Variants in L1CAM observed in about 807,000 individuals in gnomAD.
The protein encoded by L1CAM is L1 cell adhesion molecule, also known as neural cell adhesion molecule L1.
A neutral mutation model predicts 93.0 loss-of-function variants in L1CAM; 8 were observed. The observed-to-expected ratio is 0.09, with a 90% CI of 0.05 to 0.16. The LOEUF is 0.16. L1CAM is among the 10% of genes least tolerant of loss of function. The pLI is 1.00. For missense variants in L1CAM, 777 were observed against 1,073.4 expected, an observed-to-expected ratio of 0.72 and a Z score of 3.86; for synonymous variants, 453 against 453.0, an observed-to-expected ratio of 1.00 and a Z score of 0.00.
rs200490293 is a variant in L1CAM, at chrX:153,868,294, G to T, written c.1703+8C>A. ...CACTCTGCCCCCTTTCACCGTCACTGTCCTCACTTGTCACTGTCCCCAAGC... is the reference window on the plus strand; with the variant it reads ...CACTCTGCCCCCTTTCACCGTCACTTTCCTCACTTGTCACTGTCCCCAAGC... On this transcript the variant is annotated splice_region_variant and intron_variant, in intron 14 of 28. Coordinates refer to ENST00000370060, the MANE Select transcript of L1CAM (RefSeq NM_001278116.2). 4.1e-6 allele frequency: 5 copies of T among 1,211,274 alleles called. No homozygotes were observed. The highest frequency in any genetic ancestry group is 2.3e-4 in the Middle Eastern group (1 of 4,354).
intron 1 of L1CAM, chrX:153,883,892 T>A (rs1156858032): frequency 2.9e-6 from 1 of 341,186 alleles, no homozygotes; most frequent in East Asian, 9.7e-5. Context: ...AACTTGGTGA[T>A]CAAGGTAGGG....
chrX:153,883,633 C>T, intron 1 of L1CAM: 1 of 289,168 alleles, frequency 3.5e-6, no homozygotes, highest in Non-Finnish European at 7.0e-6. Context: ...GGCATCCAGA[C>T]CCCCCGCCTC....
In L1CAM at chrX:153,862,810, G is replaced by C. The variant is rs2064675003; in HGVS notation, c.3627C>G (p.Ala1209=). The C allele has an allele frequency of 8.3e-7, 1 of 1,211,944 alleles. No homozygotes were observed. Among genetic ancestry groups the C allele is most frequent in the Non-Finnish European group, 1.1e-6 (1 of 895,406 alleles). The change falls in exon 29 of 29, where the codon GCC becomes GCG. Residue 1209 remains alanine, a synonymous_variant. Coordinates refer to ENST00000370060, the MANE Select transcript of L1CAM (RefSeq NM_001278116.2). ...GAACATCCACGCTGCCCCCATAATC[G>C]GCCAGGCTGTCGTCACTGCCCAGGG... is the stretch of plus-strand genomic sequence containing the variant. ...IKPLGSDDSL[A]DYGGSVDVQF...
rs782455321 is a variant in L1CAM, at chrX:153,868,838, C to T, written c.1379+3G>A. 2.4e-5 allele frequency: 29 copies of T among 1,205,724 alleles called. No individual in the cohort carries two copies. The highest frequency in any genetic ancestry group is 3.0e-5 in the Non-Finnish European group (27 of 890,783). On this transcript the variant is annotated splice_donor_region_variant and intron_variant, in intron 12 of 28. Coordinates refer to ENST00000370060, the MANE Select transcript of L1CAM (RefSeq NM_001278116.2). ...CTCACCACTACCAGGACGAGACACT[C>T]ACCACTGAACACTGGGCACAGGCGC...
At chrX:153,877,857 A>G (rs782620630) in intron 1 of L1CAM, among the ~76,000 whole-genome samples, 1 of 112,019 alleles carries the variant, frequency 8.9e-6, no homozygotes, top group South Asian at 3.7e-4. Flanking sequence ...TGTGTGTCTC[A>G]AAGTCCCAAT....
rs2064751889 is a variant in L1CAM, at chrX:153,869,912, C to T, written c.1014G>A (p.Lys338=). 1 of 1,208,333 alleles carries T rather than the reference C, an allele frequency of 8.3e-7. No individual in the cohort carries two copies. Among genetic ancestry groups the T allele is most frequent in the Non-Finnish European group, 1.1e-6 (1 of 894,458 alleles). Residue 338 remains lysine (K), a synonymous_variant, in exon 10 of 29, where the codon AAG becomes AAA. Transcript: ENST00000370060. ...TVEAAPYWLH[K]PQSHLYGPGE... ...CTGGCCCATATAGATGGCTCTGGGG[C>T]TTGTGCAGCCAGTACGGGGCAGCTG...
At chrX:153,883,274 G>C (rs2064855673) in intron 1 of L1CAM, among the ~76,000 whole-genome samples, 1 of 111,159 alleles carries the variant, frequency 9.0e-6, no homozygotes, top group Admixed American at 9.5e-5. Context: ...TGACGGGAAG[G>C]GGGAAGAGGG....
In L1CAM at chrX:153,864,216, C is replaced by T. The variant is rs543384176; in HGVS notation, c.3322+106G>A. Reference sequence around the variant, plus strand: ...TCTGGGAGGAGAAGCAGACAGGAGCCGTGGAGGGAGCCTGGGCAGTAGTGG... The same window carrying T: ...TCTGGGAGGAGAAGCAGACAGGAGCTGTGGAGGGAGCCTGGGCAGTAGTGG... On this transcript the variant is annotated intron_variant, in intron 25 of 28. Transcript: ENST00000370060. 38 of 1,027,932 alleles carry T rather than the reference C, an allele frequency of 3.7e-5. No homozygotes were observed. In the East Asian group the frequency reaches 4.6e-4, roughly 12 times the overall value. 84.7% of individuals were successfully genotyped at this position (1,027,932 alleles called of 1,213,427 possible).
chrX:153,884,031 G>A (rs1557096357), intron 1 of L1CAM: 1 of 371,187 alleles, frequency 2.7e-6, no homozygotes. Flanking sequence ...GGCACAATCT[G>A]GGCACCCTGC....
At chrX:153,871,002 A>T (rs2064764193) in intron 6 of L1CAM, 42 bp from the exon 7 acceptor site, 21 of 1,211,003 alleles carry the variant, frequency 1.7e-5, no homozygotes, top group Non-Finnish European at 2.3e-5. Context: ...CCCGTCCAGG[A>T]AGACACCCCC....
chrX:153,873,484 GAC>G (rs1305650559), intron 2 of L1CAM, among the ~76,000 whole-genome samples: 1 of 112,338 alleles, frequency 8.9e-6, no homozygotes, highest in Non-Finnish European at 1.9e-5. Context: ...CCACTGGATA[GAC>G]ACACAGGGCA....
chrX:153,872,259 G>A lies in L1CAM; in HGVS notation c.293C>T (p.Thr98Met), dbSNP rs375000497. ...CTGAGCAAAGTTGCTGTTGTTGCCC[G>A]TGATGGTGAAGGAGCCAGAGTGGGG... Reference protein sequence around the residue: ...QSPHSGSFTITGNNSNFAQRF... With the variant: ...QSPHSGSFTIMGNNSNFAQRF... Residue 98 changes from threonine (T) to methionine (M), a missense_variant, in exon 5 of 29, where the codon ACG becomes ATG. Around this residue, in one of 5 missense-constraint regions of L1CAM, gnomAD observed 574 missense variants for 781.0 expected, o/e 0.73. Coordinates refer to ENST00000370060, the MANE Select transcript of L1CAM (RefSeq NM_001278116.2). 3.4e-5 allele frequency: 41 copies of A among 1,205,401 alleles called. No homozygotes were observed. The highest frequency in any genetic ancestry group is 2.7e-4 in the African/African-American group (15 of 56,121).
At chrX:153,868,211 A>G in intron 14 of L1CAM, 89 bp from the exon 15 acceptor site, 1 of 1,195,911 alleles carries the variant, frequency 8.4e-7, no homozygotes, top group Non-Finnish European at 1.1e-6. Flanking sequence ...CGCTCCTGTC[A>G]GAGCCTTCCC....
In L1CAM at chrX:153,877,984, G is replaced by T. The variant is rs781926760; in HGVS notation, c.-108-2040C>A. On this transcript the variant is annotated intron_variant, in intron 1 of 28. Transcript: ENST00000370060. Reference sequence around the variant, plus strand: ...AAGTAAGGGGAGCCAAAGACTAAGGGTCTGAAAGAGGGGGCTCCTCTGACA... The same window carrying T: ...AAGTAAGGGGAGCCAAAGACTAAGGTTCTGAAAGAGGGGGCTCCTCTGACA... Among the ~76,000 whole-genome samples, 74 of 112,434 alleles carry T rather than the reference G, an allele frequency of 6.6e-4. 1 individual carries two copies. Among genetic ancestry groups the T allele is most frequent in the African/African-American group, 2.2e-3 (67 of 30,963 alleles).
Position 153,868,318 on chromosome X carries a change from G to A in L1CAM, c.1687C>T (p.Leu563Phe). The A allele has an allele frequency of 1.7e-6, 2 of 1,211,898 alleles. No individual in the cohort carries two copies. The highest frequency in any genetic ancestry group is 2.2e-6 in the Non-Finnish European group (2 of 895,517). The stretch of plus-strand genomic sequence containing the variant: ...TGTCCTCACTTGTCACTGTCCCCAA[G>A]CTCCTGGAGGTCTCGACCGTCCCCA... ...WRGDGRDLQE[L>F]GDSDKYFIED... The change falls in exon 14 of 29, where the codon CTT (leucine) becomes TTT (phenylalanine). Residue 563 changes from leucine (L) to phenylalanine (F), a missense_variant. Leu to Phe is a conservative substitution (Grantham distance 22). Coordinates refer to ENST00000370060, the MANE Select transcript of L1CAM (RefSeq NM_001278116.2).
chrX:153,871,266 G>GGGGGGGGGGGC, intron 5 of L1CAM, 87 bp from the exon 6 acceptor site: 1 of 490,625 alleles, frequency 2.0e-6, no homozygotes. Context: ...GGGGTGGCGG[G>GGGGGGGGGGGC]CTACACCAGG....
At chrX:153,869,142 C>T (rs1284232803) in intron 11 of L1CAM, 190 bp from the exon 12 acceptor site, 5 of 462,966 alleles carry the variant, frequency 1.1e-5, no homozygotes, top group East Asian at 3.7e-5. Flanking sequence ...GCCTCAGATG[C>T]GCCTCTGGTC....
Position 153,864,876 on chromosome X carries a change from G to T in L1CAM, c.2991C>A (p.Thr997=). The part of the protein sequence containing the change: ...LRYRFQLQAT[T]KEGPGEAIVR... ...CGATGGCTTCACCAGGGCCCTCTTT[G>T]GTGGTGGCCTGAAGCTGGAAGCGGT... The change falls in exon 23 of 29, where the codon ACC becomes ACA. Residue 997 remains threonine (T), a synonymous_variant. Transcript: ENST00000370060. 7.4e-6 allele frequency: 9 copies of T among 1,212,486 alleles called. No individual in the cohort carries two copies. The highest frequency in any genetic ancestry group is 1.0e-5 in the Non-Finnish European group (9 of 895,617).
intron 1 of L1CAM, among the ~76,000 whole-genome samples, chrX:153,882,213 G>A (rs1358067781): frequency 9.0e-6 from 1 of 111,708 alleles, no homozygotes; most frequent in Non-Finnish European, 1.9e-5. Context: ...CGGACAATGG[G>A]GCCTCTGTGA....
Sources: gnomAD v4.1 joint callset for allele counts (sites outside exome capture counted in the v4.1 genomes callset) on GRCh38, gnomAD v4.1.1 for gene constraint, gnomAD v4.1.1 regional missense constraint, MANE v1.5 for transcripts, NCBI Gene and HGNC (gene_info 2026-07-23, HGNC 2026-07-21) for gene names.